IQSEC1: variants seen among roughly 807,000 people sequenced by gnomAD.
IQSEC1 encodes the protein IQ motif and Sec7 domain ArfGEF 1.
A neutral mutation model predicts 91.0 loss-of-function variants in IQSEC1; 31 were observed. The ratio of observed to expected loss-of-function variants is 0.34; its 90% confidence interval spans 0.26 to 0.46. The LOEUF is 0.46. Ranked by LOEUF, IQSEC1 falls within the 20% of genes least tolerant of loss-of-function variation. The pLI is 1.00. For missense variants in IQSEC1, 1,388 were observed against 1,575.6 expected (o/e 0.88, Z 2.02); for synonymous variants, 699 against 662.6 (o/e 1.05, Z -0.84).
At chr3:12,963,314 G>A (rs774319077) in intron 1 of IQSEC1, among the ~76,000 whole-genome samples, 2 of 152,222 alleles carry the variant, frequency 1.3e-5, no homozygotes, top group Non-Finnish European at 2.9e-5. Flanking sequence ...AAGGAGCAGC[G>A]AAGCTGCAGG....
At chr3:13,155,152 A>T (rs914686643) in intron 2 of IQSEC1, among the ~76,000 whole-genome samples, 4 of 152,216 alleles carry the variant, frequency 2.6e-5, no homozygotes, top group Non-Finnish European at 5.9e-5. Flanking sequence ...TAAACTGATA[A>T]TATCAATAAA....
At chr3:12,988,259 C>T (rs1701832375) in intron 1 of IQSEC1, among the ~76,000 whole-genome samples, 1 of 151,922 alleles carries the variant, frequency 6.6e-6, no homozygotes, top group African/African-American at 2.4e-5. Context: ...ACTAAAAATA[C>T]AAAAAATTAG....
chr3:13,227,794 C>T (rs968555633), intron 1 of IQSEC1, among the ~76,000 whole-genome samples: 5 of 152,174 alleles, frequency 3.3e-5, no homozygotes, highest in African/African-American at 9.7e-5. Context: ...GGGGACTTTC[C>T]GGGAGGCATC....
Position 13,026,864 on chromosome 3 carries a change from G to GT in IQSEC1, c.23+46127dup, listed in dbSNP as rs1553680571. On this transcript the variant is annotated intron_variant, in intron 1 of 13. Coordinates refer to ENST00000613206, the MANE Select transcript of IQSEC1 (RefSeq NM_001134382.3). Reference sequence around the variant, plus strand: ...TGAAGTAGCAGTTATTATCTCCCCAGTTTTTTTTTTTTTTGTTTGTTTTTT... The same window carrying GT: ...TGAAGTAGCAGTTATTATCTCCCCAGTTTTTTTTTTTTTTTGTTTGTTTTTT... Among the ~76,000 whole-genome samples, 680 of 90,790 alleles carry GT rather than the reference G, an allele frequency of 7.5e-3. 9 individuals carry two copies. The highest frequency in any genetic ancestry group is 0.021 in the African/African-American group (630 of 29,758). 59.6% of individuals were successfully genotyped at this position (90,790 alleles called of 152,430 possible). A position where few individuals can be genotyped will look rare whatever the true frequency, so the allele number is the denominator to read the frequency against.
At chr3:12,984,864 G>A (rs1031425948) in intron 1 of IQSEC1, among the ~76,000 whole-genome samples, 5 of 112,580 alleles carry the variant, frequency 4.4e-5, no homozygotes, top group Admixed American at 2.7e-4. Context: ...TCACTCTTTC[G>A]CCCAAGCTGG....
At chr3:13,014,913 C>T (rs1462825674) in intron 1 of IQSEC1, among the ~76,000 whole-genome samples, 1 of 152,154 alleles carries the variant, frequency 6.6e-6, no homozygotes, top group Non-Finnish European at 1.5e-5. Context: ...TACTGGGCTA[C>T]TGCCAGATGG....
chr3:13,091,116 C>T (rs1705853019), intron 2 of IQSEC1, among the ~76,000 whole-genome samples: 1 of 152,212 alleles, frequency 6.6e-6, no homozygotes, highest in South Asian at 2.1e-4. Flanking sequence ...CTTCTCGTCA[C>T]TCCGGTCTTG....
Position 13,051,744 on chromosome 3 carries a change from C to T in IQSEC1, c.23+21248G>A, listed in dbSNP as rs541086764. ...CATCCCCTTTCTTGCACAGCACTTGCGTGGTCTTGGAAACCTCCCTCCCTG... is the reference window on the plus strand; with the variant it reads ...CATCCCCTTTCTTGCACAGCACTTGTGTGGTCTTGGAAACCTCCCTCCCTG... On this transcript the variant is annotated intron_variant, in intron 1 of 13. Coordinates refer to ENST00000613206, the MANE Select transcript of IQSEC1 (RefSeq NM_001134382.3). 2.6e-5 allele frequency among the ~76,000 whole-genome samples: 4 copies of T among 152,208 alleles called. No homozygotes were observed. In the East Asian group the frequency reaches 5.8e-4, roughly 22 times the overall value.
rs1553645239 is a variant in IQSEC1 at position 12,900,450 on chromosome 3, A to AGT, written c.*531_*532dup. 1.2e-5 allele frequency: 9 copies of AGT among 745,914 alleles called. No homozygotes were observed. Among genetic ancestry groups the AGT allele is most frequent in the South Asian group, 6.1e-5 (1 of 16,440 alleles). The allele number at this position is 745,914 out of a possible 1,614,324, so 46.2% of individuals were successfully genotyped here. On this transcript the variant is annotated 3_prime_UTR_variant, in exon 14 of 14. Coordinates refer to ENST00000613206, the MANE Select transcript of IQSEC1 (RefSeq NM_001134382.3). ...TTTCACACACAAGTACTACCTATAC[A>AGT]GTATATATATATATATATTTATATA...
chr3:13,221,348 C>T (rs751236509), intron 1 of IQSEC1, among the ~76,000 whole-genome samples: 25 of 152,330 alleles, frequency 1.6e-4, no homozygotes, highest in Non-Finnish European at 3.1e-4. Context: ...GACACTGTTC[C>T]TCCAACAGGA....
At chr3:13,273,666 G>A (rs1695625382) in intron 1 of IQSEC1, among the ~76,000 whole-genome samples, 1 of 152,154 alleles carries the variant, frequency 6.6e-6, no homozygotes. Context: ...ATCTCCTGAA[G>A]CCTCCCTCAC....
At chr3:13,198,102 A>C (rs1280327800) in intron 1 of IQSEC1, among the ~76,000 whole-genome samples, 1 of 152,178 alleles carries the variant, frequency 6.6e-6, no homozygotes, top group Non-Finnish European at 1.5e-5. Context: ...AATTGTGTGA[A>C]GAGGTGCTGA....
chr3:13,248,347 G>C (rs1333110196), intron 1 of IQSEC1, among the ~76,000 whole-genome samples: 1 of 152,130 alleles, frequency 6.6e-6, no homozygotes, highest in Admixed American at 6.5e-5. Context: ...GAGGATCCCC[G>C]AGCTCTGGAC....
At chr3:12,952,389 C>T (rs1699608498) in intron 1 of IQSEC1, among the ~76,000 whole-genome samples, 1 of 152,184 alleles carries the variant, frequency 6.6e-6, no homozygotes, top group Non-Finnish European at 1.5e-5. Flanking sequence ...ACCCTCCTCC[C>T]CATCAGTCAG....
intron 2 of IQSEC1, among the ~76,000 whole-genome samples, chr3:13,161,877 T>C (rs1274866561): frequency 6.6e-6 from 1 of 152,180 alleles, no homozygotes; most frequent in Non-Finnish European, 1.5e-5. Flanking sequence ...CGGCTCTGTG[T>C]GCCAGTCCCC....
At chr3:13,071,594 G>A (rs531667014) in intron 1 of IQSEC1, among the ~76,000 whole-genome samples, 1 of 152,310 alleles carries the variant, frequency 6.6e-6, no homozygotes, top group East Asian at 1.9e-4. Context: ...AAAATGCAGC[G>A]AGGGCCTTGC....
chr3:13,267,762 T>C (rs893694958), intron 1 of IQSEC1, among the ~76,000 whole-genome samples: 1 of 152,042 alleles, frequency 6.6e-6, no homozygotes, highest in African/African-American at 2.4e-5. Flanking sequence ...GGACTACAGG[T>C]GCCCACCACC....
chr3:13,131,718 C>T (rs562008536), intron 2 of IQSEC1, among the ~76,000 whole-genome samples: 1 of 152,204 alleles, frequency 6.6e-6, no homozygotes, highest in African/African-American at 2.4e-5. Flanking sequence ...AACTCCTGAC[C>T]TCAGGTGATC....
chr3:13,072,238 C>T (rs554648800), intron 1 of IQSEC1, among the ~76,000 whole-genome samples: 1 of 152,336 alleles, frequency 6.6e-6, no homozygotes, highest in Admixed American at 6.5e-5. Context: ...CCCCCGCAGC[C>T]GAGGGTCCCA....
Sources: allele counts gnomAD v4.1 joint callset (sites outside exome capture counted in the v4.1 genomes callset), GRCh38; gene constraint gnomAD v4.1.1; transcripts MANE v1.5; gene names NCBI Gene and HGNC (gene_info 2026-07-23, HGNC 2026-07-21).